The following SENP6 variants were observed in gnomAD, a reference collection of about 807,000 sequenced individuals.
The protein encoded by SENP6 is SUMO specific peptidase 6.
In SENP6, 41 loss-of-function variants were observed where a neutral mutation model predicts 134.5. The ratio of observed to expected loss-of-function variants is 0.30; its 90% CI spans 0.24 to 0.40. The LOEUF (loss-of-function observed/expected upper bound fraction) is 0.40. SENP6 is among the 10% of genes least tolerant of loss of function. The probability of loss-of-function intolerance (pLI) is 1.00; values close to 1 mark genes in which losing one functional copy is unlikely to be tolerated. For missense variants in SENP6, 1,248 were observed against 1,312.5 expected (o/e 0.95, Z 0.76); for synonymous variants, 395 against 429.8 (o/e 0.92, Z 1.00).
At chr6:75,602,916 C>G (rs1026533347) in intron 1 of SENP6, among the ~76,000 whole-genome samples, 1 of 152,174 alleles carries the variant, frequency 6.6e-6, no homozygotes, top group Non-Finnish European at 1.5e-5. Flanking sequence ...GCATTCACAT[C>G]TTGTCTGGTG....
In SENP6 at chr6:75,647,756, A is replaced by G; in HGVS notation, c.505A>G (p.Lys169Glu). The change falls in exon 7 of 24, where the codon AAA (lysine) becomes GAA (glutamate). Residue 169 changes from lysine (K) to glutamate (E), a missense_variant. Physicochemically the swap from Lys to Glu is moderately conservative, Grantham distance 56. Coordinates refer to ENST00000447266, the MANE Select transcript of SENP6 (RefSeq NM_015571.4). The part of the protein sequence containing the change: ...ERKEYPPHVQ[K>E]VEINPVRLSR... ...GAAAGAATACCCACCTCATGTCCAA[A>G]AAGTTGAAATTAATCCTGTAAGGTT... The G allele has an allele frequency of 6.2e-7, 1 of 1,612,662 alleles. No individual in the cohort carries two copies. The highest frequency in any genetic ancestry group is 8.5e-7 in the Non-Finnish European group (1 of 1,178,984).
chr6:75,687,565 A>G (rs1773935542), intron 16 of SENP6, among the ~76,000 whole-genome samples: 2 of 152,278 alleles, frequency 1.3e-5, no homozygotes, highest in South Asian at 4.1e-4. Flanking sequence ...GATGTTGGTG[A>G]CCGACAGATG....
intron 1 of SENP6, among the ~76,000 whole-genome samples, chr6:75,609,471 G>C (rs1767278750): frequency 6.6e-6 from 1 of 152,210 alleles, no homozygotes; most frequent in Non-Finnish European, 1.5e-5. Context: ...TTGAAGGGGA[G>C]AGGGAGTAGA....
intron 14 of SENP6, 90 bp from the exon 15 acceptor site, chr6:75,678,493 C>A: frequency 4.4e-6 from 3 of 678,880 alleles, no homozygotes; most frequent in South Asian, 3.7e-5. Context: ...AATCCTTTTG[C>A]ATTGAAAAGC....
At chr6:75,685,724 C>T (rs535377163) in intron 16 of SENP6, among the ~76,000 whole-genome samples, 1 of 152,226 alleles carries the variant, frequency 6.6e-6, no homozygotes, top group Non-Finnish European at 1.5e-5. Flanking sequence ...TTTCTTAATC[C>T]TAAGTTCTAA....
intron 14 of SENP6, 108 bp downstream of exon 14, chr6:75,677,364 T>A: frequency 1.2e-6 from 1 of 817,842 alleles, no homozygotes; most frequent in Non-Finnish European, 1.8e-6. Context: ...TTTTTAATTT[T>A]ATTTCAGAAT....
At chr6:75,693,408 T>TA (rs1209252989) in intron 16 of SENP6, among the ~76,000 whole-genome samples, 1 of 112,796 alleles carries the variant, frequency 8.9e-6, no homozygotes, top group South Asian at 2.5e-4. Context: ...AGTCTGAAAT[T>TA]TAAAAAAAAA....
At chr6:75,697,702 T>C (rs549369548) in intron 18 of SENP6, 185 bp downstream of exon 18, 7 of 521,400 alleles carry the variant, frequency 1.3e-5, no homozygotes, top group South Asian at 7.1e-5. Flanking sequence ...ATGTAAGATA[T>C]TGAATTTTAG....
intron 19 of SENP6, among the ~76,000 whole-genome samples, chr6:75,708,231 T>C (rs1009410660): frequency 6.6e-6 from 1 of 152,122 alleles, no homozygotes; most frequent in Non-Finnish European, 1.5e-5. Flanking sequence ...CCAGCTAGTT[T>C]TTGTATTTTT....
At position 75,710,371 on chromosome 6, in the gene SENP6, GA is replaced by G. The variant is rs1403753666; in HGVS notation, c.2820+742del. On this transcript the variant is annotated intron_variant, in intron 20 of 23. Coordinates refer to ENST00000447266, the MANE Select transcript of SENP6 (RefSeq NM_015571.4). Reference sequence around the variant, plus strand: ...CTTTACTTTTTAGCTTCTGTTAAAAGAGGATTTTATATTGAGAAAAGTTTAT... The same window carrying G: ...CTTTACTTTTTAGCTTCTGTTAAAAGGGATTTTATATTGAGAAAAGTTTAT... Among the ~76,000 whole-genome samples, 5 of 152,228 alleles carry G rather than the reference GA, an allele frequency of 3.3e-5. No homozygotes were observed. The East Asian group carries it at 9.6e-4, about 29-fold the overall frequency.
intron 14 of SENP6, chr6:75,677,754 T>A (rs1773192900): frequency 6.5e-6 from 1 of 153,212 alleles, no homozygotes. Context: ...TATAGGTAGG[T>A]AACTCTGAAG....
chr6:75,695,930 C>A lies in SENP6; in HGVS notation c.2195+7C>A. ...ATGAAACAACTAATCTGTCGTAAGT[C>A]AAACTCTGAAAATATTTAACAGATG... On this transcript the variant is annotated splice_region_variant and intron_variant, in intron 17 of 23. Coordinates refer to ENST00000447266, the MANE Select transcript of SENP6 (RefSeq NM_015571.4). 5 of 1,577,384 alleles carry A rather than the reference C, an allele frequency of 3.2e-6. No homozygotes were observed. The South Asian group carries it at 4.8e-5, about 15-fold the overall frequency.
chr6:75,649,715 C>A (rs1770723910), intron 7 of SENP6, among the ~76,000 whole-genome samples: 1 of 152,108 alleles, frequency 6.6e-6, no homozygotes, highest in Non-Finnish European at 1.5e-5. Flanking sequence ...CGAAGTTTCA[C>A]CATGTTGGCC....
Position 75,652,683 on chromosome 6 carries a change from C to CAAAAAA in SENP6, c.550+4897_550+4902dup, listed in dbSNP as rs71002754. Reference sequence around the variant, plus strand: ...GAAATCCCATCTCTACTAAAAATCTCAAAAAAAAAAAAAAAAAAAAGAAAA... The same window carrying CAAAAAA: ...GAAATCCCATCTCTACTAAAAATCTCAAAAAAAAAAAAAAAAAAAAAAAAAAGAAAA... On this transcript the variant is annotated intron_variant, in intron 7 of 23. Transcript: ENST00000447266. 9.1e-3 allele frequency among the ~76,000 whole-genome samples: 687 copies of CAAAAAA among 75,664 alleles called. 7 individuals are homozygous for CAAAAAA. The highest frequency in any genetic ancestry group is 0.026 in the Middle Eastern group (3 of 114). The allele number at this position is 75,664 out of a possible 152,430, so 49.6% of individuals were successfully genotyped here.
intron 16 of SENP6, among the ~76,000 whole-genome samples, chr6:75,680,668 A>G (rs1261665124): frequency 6.6e-6 from 1 of 152,166 alleles, no homozygotes; most frequent in African/African-American, 2.4e-5. Context: ...TGAGTTCACA[A>G]TGACCCCAAG....
chr6:75,635,391 A>T (rs1035747038), intron 5 of SENP6, among the ~76,000 whole-genome samples: 25 of 152,302 alleles, frequency 1.6e-4, no homozygotes, highest in African/African-American at 5.8e-4. Context: ...AGTTAAATAA[A>T]TAATTTGTTT....
At chr6:75,681,566 C>T (rs995881586) in intron 16 of SENP6, among the ~76,000 whole-genome samples, 9 of 152,014 alleles carry the variant, frequency 5.9e-5, no homozygotes, top group Non-Finnish European at 4.4e-5. Context: ...TCAAGCAGTC[C>T]TTCCACCTCA....
chr6:75,674,617 A>G (rs1427442583), intron 11 of SENP6, among the ~76,000 whole-genome samples: 1 of 152,218 alleles, frequency 6.6e-6, no homozygotes, highest in East Asian at 1.9e-4. Flanking sequence ...GCCAGTACCC[A>G]TGCTTAATGT....
At chr6:75,695,199 G>A (rs1430417592) in intron 16 of SENP6, among the ~76,000 whole-genome samples, 1 of 151,936 alleles carries the variant, frequency 6.6e-6, no homozygotes, top group East Asian at 1.9e-4. Context: ...GGTTTTTTGT[G>A]TGTGTGACAG....
Sources: gnomAD v4.1 joint callset for allele counts (sites outside exome capture counted in the v4.1 genomes callset) on GRCh38, gnomAD v4.1.1 for gene constraint, MANE v1.5 for transcripts, NCBI Gene and HGNC (gene_info 2026-07-23, HGNC 2026-07-21) for gene names.